The following DDX19A variants were observed in gnomAD, a reference collection of about 807,000 sequenced individuals.
DDX19A encodes the protein ATP-dependent RNA helicase DDX19A.
A neutral mutation model predicts 60.6 loss-of-function variants in DDX19A; 12 were observed. That is an observed-to-expected ratio of 0.20 (90% CI 0.13 to 0.32). The LOEUF (loss-of-function observed/expected upper bound fraction) is 0.32. DDX19A is among the 10% of genes least tolerant of loss of function. The pLI is 1.00. For synonymous variants in DDX19A, 206 were observed against 218.2 expected (o/e 0.94, Z 0.49); for missense variants, 337 against 600.6 (o/e 0.56, Z 4.59).
intron 1 of DDX19A, 195 bp downstream of exon 1, chr16:70,347,243 G>C (rs1567647090): frequency 1.7e-6 from 1 of 597,500 alleles, no homozygotes; most frequent in African/African-American, 1.8e-5. Flanking sequence ...CATCTGGGCT[G>C]GTTAAGGACT....
At chr16:70,348,626 CAAAAAAAA>C in intron 1 of DDX19A, among the ~76,000 whole-genome samples, 1 of 34,894 alleles carries the variant, frequency 2.9e-5, no homozygotes, top group Non-Finnish European at 5.4e-5. Context: ...GACTCTGTCT[CAAAAAAAA>C]AAAAAAAAAA....
intron 2 of DDX19A, among the ~76,000 whole-genome samples, chr16:70,350,811 T>C (rs996058707): frequency 6.6e-6 from 1 of 152,160 alleles, no homozygotes. Context: ...CTCTATTGGA[T>C]TGTACTGCTA....
At chr16:70,354,775 T>G (rs1964131342) in intron 2 of DDX19A, among the ~76,000 whole-genome samples, 1 of 152,140 alleles carries the variant, frequency 6.6e-6, no homozygotes, top group South Asian at 2.1e-4. Flanking sequence ...AGACTCCATC[T>G]CTACGAAAAT....
At chr16:70,365,989 C>G in intron 7 of DDX19A, 96 bp from the exon 8 acceptor site, 1 of 1,573,990 alleles carries the variant, frequency 6.4e-7, no homozygotes. Flanking sequence ...CTGGAAATAA[C>G]TTGTTCTCCT....
chr16:70,348,483 A>G (rs1963912138), intron 1 of DDX19A, among the ~76,000 whole-genome samples: 1 of 152,062 alleles, frequency 6.6e-6, no homozygotes, highest in Non-Finnish European at 1.5e-5. Context: ...AAAGTTAGCC[A>G]GGCGTGGTAG....
rs532664066 is a variant in DDX19A at position 70,373,037 on chromosome 16, A to G, written c.*1051A>G. ...CGGTTGAGCTCAGGCGTTCGGGACC[A>G]GCCTGGCCAACATGATGAAACCCCG... On this transcript the variant is annotated 3_prime_UTR_variant, in exon 12 of 12. Transcript: ENST00000302243. 2.6e-5 allele frequency: 4 copies of G among 152,062 alleles called. No homozygotes were observed. The highest frequency in any genetic ancestry group is 7.2e-5 in the African/African-American group (3 of 41,394). 9.4% of individuals were successfully genotyped at this position (152,062 alleles called of 1,614,324 possible).
chr16:70,354,434 G>A (rs1345580351), intron 2 of DDX19A, among the ~76,000 whole-genome samples: 1 of 152,142 alleles, frequency 6.6e-6, no homozygotes. Flanking sequence ...GGCATGAGCC[G>A]CTGTGCCCAG....
In DDX19A at chr16:70,366,894, C is replaced by A. The variant is rs536415652; in HGVS notation, c.1020+33C>A. 4 of 1,612,954 alleles carry A rather than the reference C, an allele frequency of 2.5e-6. No homozygotes were observed. The East Asian group carries it at 8.9e-5, about 36-fold the overall frequency. On this transcript the variant is annotated intron_variant, in intron 9 of 11. Transcript: ENST00000302243. ...GCAGCGGCAGTGGCAGGCCTGGCCCCTCCCTCTCAGCCAGCTCCCCACAGG... is the reference window on the plus strand; with the variant it reads ...GCAGCGGCAGTGGCAGGCCTGGCCCATCCCTCTCAGCCAGCTCCCCACAGG...
intron 9 of DDX19A, among the ~76,000 whole-genome samples, chr16:70,368,904 T>G (rs1964595747): frequency 6.6e-6 from 1 of 152,190 alleles, no homozygotes; most frequent in Admixed American, 6.6e-5. Context: ...TTTGCTTTTG[T>G]TGCCCAGGCT....
chr16:70,366,879 T>G lies in DDX19A; in HGVS notation c.1020+18T>G, dbSNP rs569219815. ...TCTGCCATGTGAGTAGCAGCGGCAG[T>G]GGCAGGCCTGGCCCCTCCCTCTCAG... On this transcript the variant is annotated intron_variant, in intron 9 of 11. Coordinates refer to ENST00000302243, the MANE Select transcript of DDX19A (RefSeq NM_018332.5). 1 of 1,613,800 alleles carries G rather than the reference T, an allele frequency of 6.2e-7. No individual in the cohort carries two copies. Among genetic ancestry groups the G allele is most frequent in the South Asian group, 1.1e-5 (1 of 91,058 alleles).
At chr16:70,366,376 C>A (rs1253108714) in intron 8 of DDX19A, 114 bp downstream of exon 8, 3 of 1,477,572 alleles carry the variant, frequency 2.0e-6, no homozygotes, top group Admixed American at 3.9e-5. Flanking sequence ...GTACTCTCAG[C>A]AGCATTTGTT....
chr16:70,356,382 G>T, intron 4 of DDX19A, 135 bp downstream of exon 4: 1 of 1,381,678 alleles, frequency 7.2e-7, no homozygotes, highest in Non-Finnish European at 9.8e-7. Context: ...TCGAGACAGA[G>T]TTTCGCTCCT....
rs1964642128 is a variant in DDX19A at position 70,370,246 on chromosome 16, G to A, written c.1044G>A (p.Leu348=). The A allele has an allele frequency of 2.5e-6, 4 of 1,612,096 alleles. No homozygotes were observed. ...AGACTCGCAAAACAGCTAGTTGGCTGGCAGCAGAGCTCTCAAAAGAAGGCC... is the reference window on the plus strand; with the variant it reads ...AGACTCGCAAAACAGCTAGTTGGCTAGCAGCAGAGCTCTCAAAAGAAGGCC... ...FCHTRKTASW[L]AAELSKEGHQ... The change falls in exon 10 of 12, where the codon CTG becomes CTA. Residue 348 remains leucine (L), a synonymous_variant. Coordinates refer to ENST00000302243, the MANE Select transcript of DDX19A (RefSeq NM_018332.5).
chr16:70,357,362 G>GTTTTTTTTTTTTTTTTTTTTTTTTTTT (rs1248365917), intron 4 of DDX19A, among the ~76,000 whole-genome samples: 4 of 48,864 alleles, frequency 8.2e-5, no homozygotes, highest in East Asian at 6.7e-4. Context: ...TCTGTTTTTG[G>GTTTTTTTTTTTTTTTTTTTTTTTTTTT]TTTGTTTTTT....
intron 5 of DDX19A, chr16:70,361,759 G>A (rs1010363822): frequency 2.9e-5 from 10 of 341,876 alleles, no homozygotes; most frequent in Admixed American, 4.7e-5. Flanking sequence ...GCTTAAGGCC[G>A]GGCATGGTGG....
At chr16:70,361,602 T>C in intron 5 of DDX19A, 92 bp downstream of exon 5, 1 of 961,490 alleles carries the variant, frequency 1.0e-6, no homozygotes, top group Admixed American at 2.2e-5. Context: ...AAGGAGCTGT[T>C]TGGGGCCACG....
chr16:70,366,462 T>A, intron 8 of DDX19A, 162 bp from the exon 9 acceptor site: 1 of 1,239,244 alleles, frequency 8.1e-7, no homozygotes, highest in African/African-American at 1.5e-5. Flanking sequence ...TAGGGACTCT[T>A]CCCCAACCCT....
chr16:70,371,996 C>G lies in DDX19A; in HGVS notation c.*10C>G. 6.2e-7 allele frequency: 1 copy of G among 1,613,958 alleles called. No homozygotes were observed. Among genetic ancestry groups the G allele is most frequent in the Non-Finnish European group, 8.5e-7 (1 of 1,179,862 alleles). On this transcript the variant is annotated 3_prime_UTR_variant, in exon 12 of 12. Coordinates refer to ENST00000302243, the MANE Select transcript of DDX19A (RefSeq NM_018332.5). Reference sequence around the variant, plus strand: ...GAAAATAGCCAACTGAGAAGCTCCACCAGCCACTGATGCCAGCCCTGGCAC... The same window carrying G: ...GAAAATAGCCAACTGAGAAGCTCCAGCAGCCACTGATGCCAGCCCTGGCAC...
intron 5 of DDX19A, among the ~76,000 whole-genome samples, chr16:70,362,188 T>C (rs1191695650): frequency 1.0e-5 from 1 of 96,266 alleles, no homozygotes; most frequent in Non-Finnish European, 2.2e-5. Flanking sequence ...AAAAAAAAAC[T>C]AAACTAAAAA....
Sources: allele counts gnomAD v4.1 joint callset (sites outside exome capture counted in the v4.1 genomes callset), GRCh38; gene constraint gnomAD v4.1.1; transcripts MANE v1.5; gene names NCBI Gene and HGNC (gene_info 2026-07-23, HGNC 2026-07-21).